BARX2: variants seen among roughly 807,000 people sequenced by gnomAD.
BARX2 encodes the protein homeobox protein BarH-like 2.
In BARX2, 11 loss-of-function variants were observed where a neutral mutation model predicts 25.5. That is an observed-to-expected ratio of 0.43 (90% CI 0.27 to 0.71). BARX2 has a LOEUF of 0.71. Ranked by LOEUF, BARX2 falls within the 30% of genes least tolerant of loss-of-function variation. The pLI, the probability that BARX2 is intolerant of heterozygous loss-of-function variation, is 0.19. For synonymous variants in BARX2, 137 were observed against 149.5 expected (o/e 0.92, Z 0.61); for missense variants, 360 against 359.9 (o/e 1.00, Z 0.00).
intron 1 of BARX2, among the ~76,000 whole-genome samples, chr11:129,379,070 C>T (rs531507774): frequency 1.1e-4 from 17 of 152,238 alleles, no homozygotes; most frequent in African/African-American, 3.9e-4. Context: ...GTTTAACAGA[C>T]GCTTTCTTAT....
chr11:129,414,065 C>CAAAAAAAAAAAAAAAAAAAAAA (rs879620964), intron 1 of BARX2, among the ~76,000 whole-genome samples: 1 of 133,138 alleles, frequency 7.5e-6, no homozygotes, highest in African/African-American at 2.8e-5. Flanking sequence ...GACTCCATCT[C>CAAAAAAAAAAAAAAAAAAAAAA]AAAAAAAAAA....
chr11:129,414,878 T>G (rs2135400233), intron 1 of BARX2, among the ~76,000 whole-genome samples: 1 of 152,322 alleles, frequency 6.6e-6, no homozygotes, highest in East Asian at 1.9e-4. Context: ...AAGAGAACAA[T>G]AGTGCTGTCA....
intron 1 of BARX2, among the ~76,000 whole-genome samples, chr11:129,435,254 G>A (rs141635244): frequency 1.3e-5 from 2 of 152,276 alleles, no homozygotes; most frequent in South Asian, 2.1e-4. Context: ...TCAAGTGTTG[G>A]AGTTGGCTGG....
chr11:129,420,072 C>T lies in BARX2; in HGVS notation c.188-16679C>T, dbSNP rs75818846. The stretch of plus-strand genomic sequence containing the variant: ...CTGGGATGAGCACAAAGGCATGAGC[C>T]ACTGCACCCGGCCTATCAATATTAT... On this transcript the variant is annotated intron_variant, in intron 1 of 3. Transcript: ENST00000281437. Among the ~76,000 whole-genome samples, 123 of 152,236 alleles carry T rather than the reference C, an allele frequency of 8.1e-4. 2 individuals carry two copies. The East Asian group carries it at 0.023, about 28-fold the overall frequency.
chr11:129,429,464 A>G (rs1471903649), intron 1 of BARX2, among the ~76,000 whole-genome samples: 1 of 152,130 alleles, frequency 6.6e-6, no homozygotes, highest in East Asian at 1.9e-4. Flanking sequence ...GTTCAAGGTT[A>G]CAGTGACCTA....
At chr11:129,382,168 ATTTGTT>A (rs955259599) in intron 1 of BARX2, among the ~76,000 whole-genome samples, 1 of 152,058 alleles carries the variant, frequency 6.6e-6, no homozygotes, top group African/African-American at 2.4e-5. Flanking sequence ...AGGCCTCTTC[ATTTGTT>A]TTTGTTTTTG....
At chr11:129,419,949 T>G (rs1861985916) in intron 1 of BARX2, among the ~76,000 whole-genome samples, 1 of 151,786 alleles carries the variant, frequency 6.6e-6, no homozygotes, top group Non-Finnish European at 1.5e-5. Flanking sequence ...TCTGGCTAAT[T>G]TTTGCATTTT....
At chr11:129,424,798 T>C (rs567234251) in intron 1 of BARX2, among the ~76,000 whole-genome samples, 2 of 152,334 alleles carry the variant, frequency 1.3e-5, no homozygotes, top group East Asian at 1.9e-4. Context: ...GTGTGGACTT[T>C]GCCTCTGTGA....
intron 1 of BARX2, among the ~76,000 whole-genome samples, chr11:129,399,334 C>G (rs1228558597): frequency 1.3e-5 from 2 of 152,168 alleles, no homozygotes; most frequent in African/African-American, 4.8e-5. Flanking sequence ...AGGTTGGCTG[C>G]TGCTTTCTGC....
At chr11:129,425,822 A>G (rs1009652172) in intron 1 of BARX2, among the ~76,000 whole-genome samples, 1 of 152,056 alleles carries the variant, frequency 6.6e-6, no homozygotes, top group African/African-American at 2.4e-5. Context: ...AATCTCCCCA[A>G]TCTTTTCTCC....
intron 1 of BARX2, among the ~76,000 whole-genome samples, chr11:129,411,285 G>A (rs1377327027): frequency 1.3e-5 from 2 of 151,596 alleles, no homozygotes; most frequent in Non-Finnish European, 2.9e-5. Context: ...GCAGGAGAAT[G>A]GCGTGAATCC....
intron 1 of BARX2, among the ~76,000 whole-genome samples, chr11:129,408,866 C>G (rs2135397141): frequency 6.6e-6 from 1 of 152,334 alleles, no homozygotes; most frequent in South Asian, 2.1e-4. Flanking sequence ...TTGTCTACCA[C>G]AGGTGCTCAA....
At chr11:129,429,010 T>TTC (rs1854991434) in intron 1 of BARX2, among the ~76,000 whole-genome samples, 1 of 144,966 alleles carries the variant, frequency 6.9e-6, no homozygotes, top group East Asian at 2.0e-4. Flanking sequence ...AAGTTGTGTT[T>TTC]TTTTTTTTTT....
At chr11:129,397,580 G>C (rs1474429049) in intron 1 of BARX2, among the ~76,000 whole-genome samples, 2 of 152,190 alleles carry the variant, frequency 1.3e-5, no homozygotes, top group African/African-American at 4.8e-5. Flanking sequence ...GTTTCAACTA[G>C]AGTTCGTTAA....
chr11:129,437,198 C>T, intron 2 of BARX2, 147 bp downstream of exon 2: 2 of 974,552 alleles, frequency 2.1e-6, no homozygotes, highest in South Asian at 3.1e-5. Context: ...TCATCTCAAC[C>T]TTGGTTAACA....
chr11:129,399,124 T>G (rs1861751189), intron 1 of BARX2, among the ~76,000 whole-genome samples: 1 of 152,216 alleles, frequency 6.6e-6, no homozygotes, highest in African/African-American at 2.4e-5. Context: ...CAGCTCAGAT[T>G]GGCCCAATGG....
At chr11:129,440,432 C>T (rs12360755) in intron 2 of BARX2, among the ~76,000 whole-genome samples, 4,937 of 152,314 alleles carry the variant, frequency 0.032, 111 homozygotes, top group Non-Finnish European at 0.048. Context: ...TCCAGGGAGG[C>T]CTGGGAGACC....
At chr11:129,416,428 T>G (rs1184780976) in intron 1 of BARX2, among the ~76,000 whole-genome samples, 4 of 152,228 alleles carry the variant, frequency 2.6e-5, no homozygotes, top group Non-Finnish European at 4.4e-5. Flanking sequence ...CTACAGAAAC[T>G]TTCCCAGAAA....
At chr11:129,392,169 G>A (rs183101100) in intron 1 of BARX2, among the ~76,000 whole-genome samples, 1 of 152,328 alleles carries the variant, frequency 6.6e-6, no homozygotes, top group Admixed American at 6.5e-5. Context: ...ACTCTCTCTA[G>A]TTGCTCTCTT....
Sources: allele counts gnomAD v4.1 joint callset (sites outside exome capture counted in the v4.1 genomes callset), GRCh38; gene constraint gnomAD v4.1.1; transcripts MANE v1.5; gene names NCBI Gene and HGNC (gene_info 2026-07-23, HGNC 2026-07-21).